SHROOM3: variants seen among roughly 807,000 people sequenced by gnomAD.
SHROOM3 encodes shroom family member 3.
A neutral mutation model predicts 138.6 loss-of-function variants in SHROOM3; 47 were observed. The ratio of observed to expected loss-of-function variants is 0.34; its 90% CI spans 0.27 to 0.43. The LOEUF (loss-of-function observed/expected upper bound fraction) is 0.43. SHROOM3 is among the 20% of genes least tolerant of loss of function. SHROOM3 has a pLI of 1.00. For missense variants in SHROOM3, 2,491 were observed against 2,596.5 expected (o/e 0.96, Z 0.88); for synonymous variants, 1,062 against 1,063.3 (o/e 1.00, Z 0.02).
At chr4:76,581,488 T>C (rs899123033) in intron 2 of SHROOM3, among the ~76,000 whole-genome samples, 1 of 152,228 alleles carries the variant, frequency 6.6e-6, no homozygotes, top group African/African-American at 2.4e-5. Flanking sequence ...AATAATACTT[T>C]GGACTTAACT....
Position 76,739,601 on chromosome 4 carries a change from C to T in SHROOM3, c.1428C>T (p.His476=), listed in dbSNP as rs994754949. The part of the protein sequence containing the change: ...SIYPVPSLEP[H]FAQVPQPSVS... ...ACCCGGTACCTTCCCTGGAGCCACA[C>T]TTTGCCCAGGTGCCTCAGCCTTCTG... Residue 476 remains histidine (H), a synonymous_variant, in exon 5 of 11, where the codon CAC becomes CAT. Coordinates refer to ENST00000296043, the MANE Select transcript of SHROOM3 (RefSeq NM_020859.4). 6.2e-6 allele frequency: 10 copies of T among 1,614,218 alleles called. No homozygotes were observed. The highest frequency in any genetic ancestry group is 1.3e-5 in the African/African-American group (1 of 75,070).
At chr4:76,703,983 T>C (rs762153946) in intron 2 of SHROOM3, among the ~76,000 whole-genome samples, 3 of 152,198 alleles carry the variant, frequency 2.0e-5, no homozygotes, top group Non-Finnish European at 4.4e-5. Flanking sequence ...CAACTTTTCT[T>C]GTCTGTCCCA....
intron 1 of SHROOM3, among the ~76,000 whole-genome samples, chr4:76,480,219 C>T (rs529604306): frequency 2.0e-4 from 30 of 152,282 alleles, no homozygotes; most frequent in East Asian, 1.5e-3. Flanking sequence ...CAAGACCCAT[C>T]GGTGTGCTGT....
intron 2 of SHROOM3, among the ~76,000 whole-genome samples, chr4:76,590,678 T>C (rs1175092338): frequency 6.6e-6 from 1 of 152,092 alleles, no homozygotes. Flanking sequence ...CAATTTGTAC[T>C]TGGTGTTGAG....
chr4:76,627,688 G>T (rs1314400729), intron 2 of SHROOM3, among the ~76,000 whole-genome samples: 2 of 150,540 alleles, frequency 1.3e-5, no homozygotes, highest in Non-Finnish European at 3.0e-5. Context: ...TAGAAATGGG[G>T]TCTTGCTATG....
chr4:76,440,115 TAAC>T (rs1321470451), intron 1 of SHROOM3, among the ~76,000 whole-genome samples: 2 of 152,342 alleles, frequency 1.3e-5, no homozygotes, highest in East Asian at 3.9e-4. Context: ...ATAAGCCAAG[TAAC>T]AACAATAAAC....
intron 1 of SHROOM3, among the ~76,000 whole-genome samples, chr4:76,506,075 G>A (rs1228677543): frequency 1.3e-5 from 2 of 152,086 alleles, no homozygotes; most frequent in East Asian, 1.9e-4. Context: ...TCCTTTGCAG[G>A]GACATGGATG....
At chr4:76,676,777 A>G (rs965127609) in intron 2 of SHROOM3, among the ~76,000 whole-genome samples, 2 of 152,070 alleles carry the variant, frequency 1.3e-5, no homozygotes, top group Non-Finnish European at 2.9e-5. Flanking sequence ...CCCTGTCTCT[A>G]CTAAAAATAC....
At chr4:76,650,485 T>C (rs1055195176) in intron 2 of SHROOM3, among the ~76,000 whole-genome samples, 5 of 152,082 alleles carry the variant, frequency 3.3e-5, no homozygotes, top group African/African-American at 1.2e-4. Flanking sequence ...GTATCTGCAC[T>C]TCTGTGTTTG....
At chr4:76,756,373 C>T (rs1721809971) in intron 7 of SHROOM3, 76 bp from the exon 8 acceptor site, 1 of 1,525,512 alleles carries the variant, frequency 6.6e-7, no homozygotes, top group Non-Finnish European at 8.8e-7. Context: ...TCTCCACCCT[C>T]TTATCATCAC....
chr4:76,664,538 C>T lies in SHROOM3; in HGVS notation c.324-45618C>T. ...ATAGTCGTGATGATGATGATGCCTG[C>T]CATTCATCCCCAGAAATTCTGATTC... is the stretch of plus-strand genomic sequence containing the variant. On this transcript the variant is annotated intron_variant, in intron 2 of 10. Transcript: ENST00000296043. This position sits in a 1 kb window ranked among gnomAD's most constrained non-coding sequence, Gnocchi z 4.2. 6.6e-6 allele frequency among the ~76,000 whole-genome samples: 1 copy of T among 152,136 alleles called. No individual in the cohort carries two copies. The highest frequency in any genetic ancestry group is 1.9e-4 in the East Asian group (1 of 5,200).
intron 2 of SHROOM3, among the ~76,000 whole-genome samples, chr4:76,605,050 A>G (rs2110057171): frequency 6.6e-6 from 1 of 152,296 alleles, no homozygotes; most frequent in East Asian, 1.9e-4. Flanking sequence ...TAAACATTAA[A>G]CTGATTTGGA....
At chr4:76,675,788 C>A (rs1446893185) in intron 2 of SHROOM3, among the ~76,000 whole-genome samples, 1 of 152,086 alleles carries the variant, frequency 6.6e-6, no homozygotes, top group Non-Finnish European at 1.5e-5. Context: ...CCCAAGGATC[C>A]CTCTGAGGCT....
At chr4:76,727,608 G>A (rs1477780692) in intron 3 of SHROOM3, among the ~76,000 whole-genome samples, 2 of 152,136 alleles carry the variant, frequency 1.3e-5, no homozygotes, top group Admixed American at 6.5e-5. Flanking sequence ...AGGTTGATTC[G>A]GCCGGGCACG....
chr4:76,659,496 G>T (rs1224615325), intron 2 of SHROOM3, among the ~76,000 whole-genome samples: 2 of 152,222 alleles, frequency 1.3e-5, no homozygotes, highest in Non-Finnish European at 2.9e-5. Flanking sequence ...ACAGTTGTTG[G>T]CTCTCTTTGC....
At chr4:76,683,188 T>A (rs1185521390) in intron 2 of SHROOM3, among the ~76,000 whole-genome samples, 1 of 152,154 alleles carries the variant, frequency 6.6e-6, no homozygotes, top group Non-Finnish European at 1.5e-5. Flanking sequence ...GCTGAATAGT[T>A]TTTTTTTCAT....
At position 76,740,254 on chromosome 4, in the gene SHROOM3, C is replaced by A; in HGVS notation, c.2081C>A (p.Thr694Asn). ...GAGGGTTACCCCGGGGGCAGGCCCA[C>A]CTGTGCAGTCAACACCAAGGCAGAA... ...TQEGYPGGRP[T>N]CAVNTKAEDP... The change falls in exon 5 of 11, where the codon ACC (threonine) becomes AAC (asparagine). Residue 694 changes from threonine to asparagine, a missense_variant. Transcript: ENST00000296043. The surrounding 1 kb of genome is among the most constrained non-coding windows in gnomAD (Gnocchi z 4.0). 6.2e-7 allele frequency: 1 copy of A among 1,613,284 alleles called. No homozygotes were observed. Among genetic ancestry groups the A allele is most frequent in the Non-Finnish European group, 8.5e-7 (1 of 1,180,046 alleles).
At chr4:76,444,774 A>G (rs1419442584) in intron 1 of SHROOM3, among the ~76,000 whole-genome samples, 1 of 151,532 alleles carries the variant, frequency 6.6e-6, no homozygotes. Context: ...GATTACAGGC[A>G]TGAGCCACCA....
At chr4:76,696,654 C>A (rs1719744050) in intron 2 of SHROOM3, among the ~76,000 whole-genome samples, 1 of 152,154 alleles carries the variant, frequency 6.6e-6, no homozygotes, top group South Asian at 2.1e-4. Context: ...TGTGTGAATG[C>A]CCATTGAGGG....
Sources: gnomAD v4.1 joint callset for allele counts (sites outside exome capture counted in the v4.1 genomes callset) on GRCh38, gnomAD v4.1.1 for gene constraint, Gnocchi (gnomAD v3.1) non-coding constraint, MANE v1.5 for transcripts, NCBI Gene and HGNC (gene_info 2026-07-23, HGNC 2026-07-21) for gene names.